Variants in SORCS2 observed in about 807,000 individuals in gnomAD.
SORCS2 encodes the protein sortilin related VPS10 domain containing receptor 2.
In SORCS2, 100 loss-of-function variants were observed where a neutral mutation model predicts 141.6. That is an observed-to-expected ratio of 0.71 (90% CI 0.60 to 0.83). The LOEUF is 0.83. SORCS2 is among the 40% of genes least tolerant of loss of function. The probability of loss-of-function intolerance (pLI) is 0.00; values close to 1 mark genes in which losing one functional copy is unlikely to be tolerated. For synonymous variants in SORCS2, 789 were observed against 676.9 expected (o/e 1.17, Z -2.57); for missense variants, 1,646 against 1,560.2 (o/e 1.05, Z -0.93).
At chr4:7,380,173 C>T (rs2109066111) in intron 1 of SORCS2, among the ~76,000 whole-genome samples, 1 of 152,300 alleles carries the variant, frequency 6.6e-6, no homozygotes, top group African/African-American at 2.4e-5. Flanking sequence ...TCAGCCCCAG[C>T]CTGGGGTTTG....
chr4:7,480,848 G>A (rs560557712), intron 2 of SORCS2, among the ~76,000 whole-genome samples: 176 of 152,360 alleles, frequency 1.2e-3, no homozygotes, highest in African/African-American at 3.5e-3. Context: ...ACCCCACAGC[G>A]TGGCCTCCCT....
At chr4:7,327,378 T>C (rs920547381) in intron 1 of SORCS2, among the ~76,000 whole-genome samples, 2 of 152,172 alleles carry the variant, frequency 1.3e-5, no homozygotes, top group African/African-American at 4.8e-5. Flanking sequence ...GGCCCCTCCC[T>C]GTGTGTCTCT....
At chr4:7,222,854 C>T (rs1728792540) in intron 1 of SORCS2, among the ~76,000 whole-genome samples, 1 of 152,128 alleles carries the variant, frequency 6.6e-6, no homozygotes, top group African/African-American at 2.4e-5. Context: ...GGAGGGTTTT[C>T]TGCAGAGGAG....
chr4:7,722,445 T>C (rs1298296072), intron 18 of SORCS2, among the ~76,000 whole-genome samples: 1 of 152,136 alleles, frequency 6.6e-6, no homozygotes, highest in Non-Finnish European at 1.5e-5. Flanking sequence ...TAACAAATTA[T>C]CTCATGCCGG....
At chr4:7,225,250 C>T (rs915897100) in intron 1 of SORCS2, among the ~76,000 whole-genome samples, 1 of 152,190 alleles carries the variant, frequency 6.6e-6, no homozygotes, top group African/African-American at 2.4e-5. Flanking sequence ...GTGATCGTGG[C>T]TATAGTCATG....
chr4:7,682,992 C>G (rs1723624195), intron 10 of SORCS2, 103 bp downstream of exon 10: 2 of 1,390,654 alleles, frequency 1.4e-6, no homozygotes, highest in African/African-American at 2.9e-5. Context: ...GAAGGACCAT[C>G]TGAGACACAT....
intron 1 of SORCS2, among the ~76,000 whole-genome samples, chr4:7,330,044 C>T (rs768859530): frequency 3.6e-4 from 54 of 151,910 alleles, no homozygotes; most frequent in Non-Finnish European, 6.5e-4. Context: ...AAAATCTGGT[C>T]CCTTGCCTCC....
intron 2 of SORCS2, among the ~76,000 whole-genome samples, chr4:7,525,906 TG>T (rs760709860): frequency 0.3 from 4,706 of 15,648 alleles, 335 homozygotes; most frequent in Middle Eastern, 0.42. Flanking sequence ...TGTCTCCTCC[TG>T]CAGTCACCTG....
chr4:7,541,563 G>A (rs1023130694), intron 3 of SORCS2, among the ~76,000 whole-genome samples: 2 of 152,232 alleles, frequency 1.3e-5, no homozygotes, highest in African/African-American at 4.8e-5. Context: ...GTGGCTCACA[G>A]CTGTGGCCAG....
intron 1 of SORCS2, among the ~76,000 whole-genome samples, chr4:7,382,931 A>G (rs1723077644): frequency 6.6e-6 from 1 of 152,226 alleles, no homozygotes; most frequent in Admixed American, 6.5e-5. Context: ...AGAAGAAAAA[A>G]TGAACTTTTA....
At chr4:7,444,921 G>A (rs1289957190) in intron 2 of SORCS2, among the ~76,000 whole-genome samples, 1 of 152,248 alleles carries the variant, frequency 6.6e-6, no homozygotes, top group Non-Finnish European at 1.5e-5. Context: ...TTTGGCCTGG[G>A]CCACTTGGAC....
intron 1 of SORCS2, among the ~76,000 whole-genome samples, chr4:7,376,603 C>T (rs1467677372): frequency 6.6e-6 from 1 of 152,034 alleles, no homozygotes; most frequent in Non-Finnish European, 1.5e-5. Flanking sequence ...CAAACAAAAC[C>T]AATTCACTAA....
chr4:7,484,469 G>A (rs1254042733), intron 2 of SORCS2, among the ~76,000 whole-genome samples: 1 of 152,132 alleles, frequency 6.6e-6, no homozygotes, highest in Non-Finnish European at 1.5e-5. Flanking sequence ...GGGAAGGAAC[G>A]CTGTCCAGGG....
chr4:7,549,076 G>C (rs1713486455), intron 3 of SORCS2, among the ~76,000 whole-genome samples: 1 of 152,108 alleles, frequency 6.6e-6, no homozygotes, highest in African/African-American at 2.4e-5. Flanking sequence ...GGTTCTCCAA[G>C]CCTGGGGAGG....
chr4:7,725,355 G>A (rs755448395), intron 20 of SORCS2, 68 bp downstream of exon 20: 20 of 1,542,548 alleles, frequency 1.3e-5, no homozygotes, highest in Non-Finnish European at 1.7e-5. Context: ...CAGTGGGGCA[G>A]AGCATGGCCC....
chr4:7,256,163 G>A (rs1713858258), intron 1 of SORCS2, among the ~76,000 whole-genome samples: 1 of 152,168 alleles, frequency 6.6e-6, no homozygotes, highest in Admixed American at 6.5e-5. Context: ...CAAGTGTCCT[G>A]AAGAACAGCC....
chr4:7,660,765 G>T lies in SORCS2; in HGVS notation c.888-735G>T, dbSNP rs73074583. 7.4e-3 allele frequency among the ~76,000 whole-genome samples: 1,135 copies of T among 152,362 alleles called. 17 individuals carry two copies. The highest frequency in any genetic ancestry group is 0.025 in the African/African-American group (1,051 of 41,578). On this transcript the variant is annotated intron_variant, in intron 5 of 26. Transcript: ENST00000507866. Reference sequence around the variant, plus strand: ...CACAATGTACAGTCCAGGCCCATGTGTGGGGACAGCCTGGTGCAAACTGTC... The same window carrying T: ...CACAATGTACAGTCCAGGCCCATGTTTGGGGACAGCCTGGTGCAAACTGTC...
intron 2 of SORCS2, among the ~76,000 whole-genome samples, chr4:7,418,088 T>TTCC (rs1267725361): frequency 3.9e-5 from 6 of 152,150 alleles, no homozygotes; most frequent in African/African-American, 1.2e-4. Flanking sequence ...CTGTCACTTC[T>TTCC]TCCTCCTCCT....
At chr4:7,610,064 C>T (rs1049260844) in intron 3 of SORCS2, among the ~76,000 whole-genome samples, 2 of 152,204 alleles carry the variant, frequency 1.3e-5, no homozygotes, top group African/African-American at 4.8e-5. Flanking sequence ...CTCCCCAGAC[C>T]GTCACCTTGG....
Sources: allele counts gnomAD v4.1 joint callset (sites outside exome capture counted in the v4.1 genomes callset), GRCh38; gene constraint gnomAD v4.1.1; transcripts MANE v1.5; gene names NCBI Gene and HGNC (gene_info 2026-07-23, HGNC 2026-07-21).